The following ROR1 variants were observed in gnomAD, a reference collection of about 807,000 sequenced individuals.
ROR1 encodes the protein ROR family WNT receptor 1.
Under a neutral mutation model 78.8 loss-of-function variants are expected in ROR1, and 19 were observed. The observed-to-expected ratio is 0.24, with a 90% confidence interval of 0.17 to 0.35. The LOEUF (loss-of-function observed/expected upper bound fraction) is 0.35. ROR1 is among the 10% of genes least tolerant of loss of function. The pLI is 1.00. For missense variants in ROR1, 917 were observed against 1,177.8 expected (o/e 0.78, Z 3.24); for synonymous variants, 386 against 433.6 (o/e 0.89, Z 1.36).
chr1:64,128,123 C>A (rs1027941606), intron 4 of ROR1, among the ~76,000 whole-genome samples: 2 of 151,928 alleles, frequency 1.3e-5, no homozygotes, highest in South Asian at 4.2e-4. Context: ...AGCTGCCCCT[C>A]TTCCTCTTCT....
intron 4 of ROR1, among the ~76,000 whole-genome samples, chr1:64,133,855 T>C (rs1649011649): frequency 6.6e-6 from 1 of 152,144 alleles, no homozygotes; most frequent in South Asian, 2.1e-4. Context: ...GAAAGAAGTG[T>C]GAGCTGGAAA....
chr1:63,776,554 T>C (rs1162185307), intron 1 of ROR1, among the ~76,000 whole-genome samples: 1 of 152,146 alleles, frequency 6.6e-6, no homozygotes, highest in Non-Finnish European at 1.5e-5. Context: ...TGTCTTTCCA[T>C]ACAATGTCTG....
At chr1:63,897,099 T>C (rs951330012) in intron 1 of ROR1, among the ~76,000 whole-genome samples, 5 of 152,230 alleles carry the variant, frequency 3.3e-5, no homozygotes, top group African/African-American at 1.2e-4. Context: ...GCATTTCTCT[T>C]ATTCACTATT....
At chr1:64,025,827 G>C (rs1017633250) in intron 2 of ROR1, among the ~76,000 whole-genome samples, 1 of 152,092 alleles carries the variant, frequency 6.6e-6, no homozygotes, top group Non-Finnish European at 1.5e-5. Flanking sequence ...GAATGCAAAG[G>C]CATAAGAATG....
At chr1:63,989,890 C>T (rs1401311377) in intron 1 of ROR1, among the ~76,000 whole-genome samples, 1 of 152,176 alleles carries the variant, frequency 6.6e-6, no homozygotes, top group Non-Finnish European at 1.5e-5. Context: ...ACACATTGAG[C>T]CCTTGGCCAT....
intron 1 of ROR1, among the ~76,000 whole-genome samples, chr1:63,921,673 G>A (rs916327683): frequency 2.0e-5 from 3 of 151,650 alleles, no homozygotes; most frequent in Non-Finnish European, 4.4e-5. Context: ...CAGAGAGAGT[G>A]GGGTGGGGCG....
intron 1 of ROR1, among the ~76,000 whole-genome samples, chr1:63,919,718 C>T (rs1645639044): frequency 6.6e-6 from 1 of 152,094 alleles, no homozygotes; most frequent in African/African-American, 2.4e-5. Context: ...AATTGGGGAT[C>T]ATAATAGTGC....
intron 8 of ROR1, among the ~76,000 whole-genome samples, chr1:64,175,498 T>C (rs913876079): frequency 2.6e-5 from 4 of 152,212 alleles, no homozygotes; most frequent in Non-Finnish European, 4.4e-5. Flanking sequence ...TGAATAGAAC[T>C]AGATCAATAA....
At chr1:63,798,960 GC>G in intron 1 of ROR1, among the ~76,000 whole-genome samples, 1 of 152,258 alleles carries the variant, frequency 6.6e-6, no homozygotes, top group East Asian at 1.9e-4. Context: ...CTATTCAGGG[GC>G]TTAACGTCAA....
At chr1:64,036,134 A>G (rs1299275280) in intron 2 of ROR1, among the ~76,000 whole-genome samples, 2 of 152,210 alleles carry the variant, frequency 1.3e-5, no homozygotes, top group African/African-American at 2.4e-5. Context: ...ACTGAAGACT[A>G]TAGACAGGTA....
At chr1:63,871,395 T>C (rs1385685884) in intron 1 of ROR1, among the ~76,000 whole-genome samples, 1 of 152,128 alleles carries the variant, frequency 6.6e-6, no homozygotes, top group Non-Finnish European at 1.5e-5. Context: ...CCAGTTACAA[T>C]GGGAGTAAAT....
Position 63,983,020 on chromosome 1 carries a change from A to G in ROR1, c.92-26285A>G, listed in dbSNP as rs529490585. 4.6e-5 allele frequency among the ~76,000 whole-genome samples: 7 copies of G among 152,346 alleles called. No homozygotes were observed. In the East Asian group the frequency reaches 9.6e-4, roughly 21 times the overall value. On this transcript the variant is annotated intron_variant, in intron 1 of 8. Coordinates refer to ENST00000371079, the MANE Select transcript of ROR1 (RefSeq NM_005012.4). ...GTATGTACTCTGTAAATGTTACCTC[A>G]TGCTATTATTATGCTTTCTTAAGCA...
chr1:63,872,921 T>C (rs1240215849), intron 1 of ROR1, among the ~76,000 whole-genome samples: 1 of 152,200 alleles, frequency 6.6e-6, no homozygotes. Context: ...ATAATCTCTT[T>C]TGGTTCCTCA....
chr1:64,177,700 G>A lies in ROR1; in HGVS notation c.1659G>A (p.Glu553=). 1 of 1,614,174 alleles carries A rather than the reference G, an allele frequency of 6.2e-7. No homozygotes were observed. ...AACAACCTGTGTGCATGCTTTTTGA[G>A]TATATTAATCAGGGGGATCTCCATG... is the stretch of plus-strand genomic sequence containing the variant. The part of the protein sequence containing the change: ...TQEQPVCMLF[E]YINQGDLHEF... The change falls in exon 9 of 9, where the codon GAG becomes GAA. Residue 553 remains glutamate, a synonymous_variant. Transcript: ENST00000371079.
intron 4 of ROR1, among the ~76,000 whole-genome samples, chr1:64,066,184 C>T (rs1238035862): frequency 6.6e-6 from 1 of 152,168 alleles, no homozygotes; most frequent in East Asian, 1.9e-4. Context: ...TATGTGCTTA[C>T]ATGAAACCCC....
chr1:64,040,080 T>C (rs1450473363), intron 2 of ROR1, among the ~76,000 whole-genome samples: 6 of 152,214 alleles, frequency 3.9e-5, no homozygotes, highest in Non-Finnish European at 1.5e-5. Context: ...TTCAAGTGAC[T>C]TCTTGGAATG....
intron 1 of ROR1, chr1:63,788,960 A>G (rs1033514864): frequency 1.4e-6 from 1 of 692,718 alleles, no homozygotes; most frequent in Non-Finnish European, 2.7e-6. Context: ...TGAGGTGATC[A>G]ATCTTCTTAG....
intron 1 of ROR1, among the ~76,000 whole-genome samples, chr1:63,922,355 T>C (rs1049290206): frequency 1.3e-5 from 2 of 152,240 alleles, no homozygotes; most frequent in Admixed American, 1.3e-4. Flanking sequence ...TTTCTCTTTG[T>C]AAAAGGTAAG....
At chr1:63,977,414 G>A (rs1646171185) in intron 1 of ROR1, among the ~76,000 whole-genome samples, 1 of 152,088 alleles carries the variant, frequency 6.6e-6, no homozygotes, top group Non-Finnish European at 1.5e-5. Flanking sequence ...AAAAGTTTTG[G>A]GTTTTGGAGC....
Sources: gnomAD v4.1 joint callset for allele counts (sites outside exome capture counted in the v4.1 genomes callset) on GRCh38, gnomAD v4.1.1 for gene constraint, MANE v1.5 for transcripts, NCBI Gene and HGNC (gene_info 2026-07-23, HGNC 2026-07-21) for gene names.